The following XKR4 variants were observed in gnomAD, a reference collection of about 807,000 sequenced individuals.
XKR4 encodes XK related 4.
XKR4 carries 12 observed loss-of-function variants against 53.9 expected under a neutral mutation model. The observed-to-expected ratio is 0.22, with a 90% CI of 0.14 to 0.36. The LOEUF is 0.36. XKR4 is among the 10% of genes least tolerant of loss of function. The pLI, the probability that XKR4 is intolerant of heterozygous loss-of-function variation, is 1.00. For synonymous variants in XKR4, 354 were observed against 362.4 expected, an observed-to-expected ratio of 0.98 and a Z score of 0.26; for missense variants, 799 against 859.5, an observed-to-expected ratio of 0.93 and a Z score of 0.88.
At chr8:55,349,332 G>A (rs113336450) in intron 1 of XKR4, among the ~76,000 whole-genome samples, 23 of 152,262 alleles carry the variant, frequency 1.5e-4, no homozygotes, top group African/African-American at 4.3e-4. Flanking sequence ...CCATCTGAGC[G>A]TTTTTGCTAT....
chr8:55,225,233 A>C (rs1309995291), intron 1 of XKR4, among the ~76,000 whole-genome samples: 1 of 152,214 alleles, frequency 6.6e-6, no homozygotes, highest in African/African-American at 2.4e-5. Flanking sequence ...TTTTGGTAGG[A>C]TATAATGTTT....
chr8:55,303,425 C>T (rs199721669), intron 1 of XKR4, among the ~76,000 whole-genome samples: 2,730 of 152,164 alleles, frequency 0.018, 64 homozygotes, highest in African/African-American at 0.053. Flanking sequence ...ATTTTTGCAT[C>T]AATGTTCATC....
chr8:55,120,815 TATC>T (rs1816380824), intron 1 of XKR4, among the ~76,000 whole-genome samples: 1 of 152,236 alleles, frequency 6.6e-6, no homozygotes, highest in South Asian at 2.1e-4. Context: ...TATCATGACG[TATC>T]ATACAGAATA....
chr8:55,508,997 A>C (rs1367166738), intron 2 of XKR4, among the ~76,000 whole-genome samples: 1 of 152,224 alleles, frequency 6.6e-6, no homozygotes, highest in Non-Finnish European at 1.5e-5. Context: ...TTGGAACTGG[A>C]GATGAAATAG....
intron 1 of XKR4, among the ~76,000 whole-genome samples, chr8:55,177,090 G>A (rs1454899820): frequency 6.6e-6 from 1 of 150,992 alleles, no homozygotes; most frequent in South Asian, 2.1e-4. Flanking sequence ...AGGCTGGAGT[G>A]TAGTGGCACG....
intron 1 of XKR4, among the ~76,000 whole-genome samples, chr8:55,223,585 T>C (rs996843253): frequency 3.3e-5 from 5 of 152,236 alleles, no homozygotes; most frequent in African/African-American, 1.2e-4. Flanking sequence ...TCCAATGCAT[T>C]TCTAGAAAGT....
intron 1 of XKR4, among the ~76,000 whole-genome samples, chr8:55,124,253 C>T (rs949111546): frequency 2.0e-5 from 3 of 152,198 alleles, no homozygotes; most frequent in African/African-American, 7.2e-5. Context: ...CATTCATCTA[C>T]TTGCTTGCTC....
chr8:55,169,631 CTTG>C (rs536528504), intron 1 of XKR4, among the ~76,000 whole-genome samples: 44 of 152,310 alleles, frequency 2.9e-4, no homozygotes, highest in Non-Finnish European at 4.3e-4. Flanking sequence ...TCCTTTCTCT[CTTG>C]TTGTCAGAAA....
At chr8:55,235,329 G>T (rs1205802442) in intron 1 of XKR4, among the ~76,000 whole-genome samples, 1 of 152,126 alleles carries the variant, frequency 6.6e-6, no homozygotes, top group African/African-American at 2.4e-5. Context: ...TTCAAATAAG[G>T]TTACTTTCTA....
intron 1 of XKR4, among the ~76,000 whole-genome samples, chr8:55,336,876 A>C (rs897269893): frequency 6.6e-6 from 1 of 152,178 alleles, no homozygotes. Context: ...GTGTGCATGC[A>C]TCAGGCGCAC....
At chr8:55,163,470 C>T (rs747884082) in intron 1 of XKR4, among the ~76,000 whole-genome samples, 1 of 152,100 alleles carries the variant, frequency 6.6e-6, no homozygotes, top group East Asian at 1.9e-4. Flanking sequence ...CTAAATATTC[C>T]CAGTTTATTC....
At chr8:55,149,389 T>G (rs1489832239) in intron 1 of XKR4, among the ~76,000 whole-genome samples, 1 of 151,516 alleles carries the variant, frequency 6.6e-6, no homozygotes, top group African/African-American at 2.4e-5. Flanking sequence ...TGAAGGGAGG[T>G]CGGGGTGGGG....
At chr8:55,498,232 G>A (rs1306567726) in intron 2 of XKR4, among the ~76,000 whole-genome samples, 1 of 152,200 alleles carries the variant, frequency 6.6e-6, no homozygotes, top group Admixed American at 6.5e-5. Context: ...GCGCCCTAAG[G>A]CCCACCTGTC....
At chr8:55,519,001 A>G (rs1806757632) in intron 2 of XKR4, among the ~76,000 whole-genome samples, 1 of 152,194 alleles carries the variant, frequency 6.6e-6, no homozygotes, top group South Asian at 2.1e-4. Flanking sequence ...GAGGAGATGG[A>G]ATCCAGAGAA....
rs1806883490 is a variant in XKR4 at position 55,526,432 on chromosome 8, C to T, written c.*2205C>T. 1 of 152,180 alleles carries T rather than the reference C, an allele frequency of 6.6e-6. No individual in the cohort carries two copies. The highest frequency in any genetic ancestry group is 2.1e-4 in the South Asian group (1 of 4,836). 9.4% of individuals were successfully genotyped at this position (152,180 alleles called of 1,614,324 possible). A position where few individuals can be genotyped will look rare whatever the true frequency, so the allele number is the denominator to read the frequency against. On this transcript the variant is annotated 3_prime_UTR_variant, in exon 3 of 3. Coordinates refer to ENST00000327381, the MANE Select transcript of XKR4 (RefSeq NM_052898.2). ...CAAGCAAGATTTCCACTAAAAAATA[C>T]TAATCTTTTGTTGGGATGTGGAAAG...
intron 1 of XKR4, among the ~76,000 whole-genome samples, chr8:55,328,885 AC>A (rs1803335893): frequency 6.6e-6 from 1 of 151,660 alleles, no homozygotes; most frequent in African/African-American, 2.4e-5. Flanking sequence ...TACCACCAAC[AC>A]CCACCATGTT....
chr8:55,141,944 T>G (rs1354584401), intron 1 of XKR4, among the ~76,000 whole-genome samples: 1 of 151,880 alleles, frequency 6.6e-6, no homozygotes, highest in Non-Finnish European at 1.5e-5. Context: ...GCCTGCAGGG[T>G]TCAGAGCAGA....
chr8:55,336,032 A>G lies in XKR4; in HGVS notation c.807-21646A>G, dbSNP rs374618647. 4.4e-4 allele frequency among the ~76,000 whole-genome samples: 59 copies of G among 134,528 alleles called. No individual in the cohort carries two copies. In the South Asian group the frequency reaches 0.012, roughly 28 times the overall value. 88.3% of individuals were successfully genotyped at this position (134,528 alleles called of 152,430 possible). ...CATATGTTATAAAAAATTTTATGCA[A>G]CTCTATACCAAAAAAAAAAAAAAAA... On this transcript the variant is annotated intron_variant, in intron 1 of 2. Transcript: ENST00000327381.
chr8:55,288,322 T>C (rs1363582585), intron 1 of XKR4, among the ~76,000 whole-genome samples: 1 of 152,240 alleles, frequency 6.6e-6, no homozygotes, highest in African/African-American at 2.4e-5. Flanking sequence ...TTTTAGGCTT[T>C]GCTGTTTTGC....
Sources: gnomAD v4.1 joint callset for allele counts (sites outside exome capture counted in the v4.1 genomes callset) on GRCh38, gnomAD v4.1.1 for gene constraint, MANE v1.5 for transcripts, NCBI Gene and HGNC (gene_info 2026-07-23, HGNC 2026-07-21) for gene names.